Variants in RRM2B observed in about 807,000 individuals in gnomAD.
RRM2B encodes ribonucleoside-diphosphate reductase subunit M2 B.
RRM2B carries 20 observed loss-of-function variants against 45.9 expected under a neutral mutation model. The ratio of observed to expected loss-of-function variants is 0.44; its 90% CI spans 0.31 to 0.63. RRM2B has a LOEUF of 0.63. Ranked by LOEUF, RRM2B falls within the 30% of genes least tolerant of loss-of-function variation. The pLI is 0.09. For synonymous variants in RRM2B, 124 were observed against 132.3 expected (o/e 0.94, Z 0.43); for missense variants, 320 against 414.7 (o/e 0.77, Z 1.98).
At position 102,205,306 on chromosome 8, in the gene RRM2B, CA is replaced by C. The variant is rs1352660283; in HGVS notation, c.*2826del. ...GCAAAATGATTAATTTTTAAATATG[CA>C]AACTGCTACATTTTCTCAATAATCA... On this transcript the variant is annotated 3_prime_UTR_variant, in exon 9 of 9. Coordinates refer to ENST00000251810, the MANE Select transcript of RRM2B (RefSeq NM_015713.5). 1.3e-5 allele frequency: 2 copies of C among 152,074 alleles called. No homozygotes were observed. The highest frequency in any genetic ancestry group is 2.9e-5 in the Non-Finnish European group (2 of 67,974). 9.4% of individuals were successfully genotyped at this position (152,074 alleles called of 1,614,324 possible).
chr8:102,211,761 T>C (rs1176579572), intron 8 of RRM2B, among the ~76,000 whole-genome samples: 1 of 152,222 alleles, frequency 6.6e-6, no homozygotes, highest in Non-Finnish European at 1.5e-5. Flanking sequence ...TGATTTCTCA[T>C]TAATTAGTAA....
At chr8:102,219,022 A>G in intron 5 of RRM2B, 75 bp from the exon 6 acceptor site, 1 of 1,380,824 alleles carries the variant, frequency 7.2e-7, no homozygotes, top group Non-Finnish European at 1.0e-6. Flanking sequence ...CACATATATA[A>G]CAATAAATAC....
At chr8:102,228,267 G>T (rs1041430544) in intron 2 of RRM2B, among the ~76,000 whole-genome samples, 5 of 152,168 alleles carry the variant, frequency 3.3e-5, no homozygotes, top group Non-Finnish European at 7.3e-5. Flanking sequence ...AGAGGAGTCA[G>T]CTGGGGACGG....
At chr8:102,231,552 T>C (rs539658243) in intron 2 of RRM2B, among the ~76,000 whole-genome samples, 2 of 152,318 alleles carry the variant, frequency 1.3e-5, no homozygotes, top group South Asian at 2.1e-4. Context: ...TACTTGGCCA[T>C]ATCAAACTAA....
chr8:102,224,771 T>C, intron 4 of RRM2B, 114 bp downstream of exon 4: 1 of 1,084,780 alleles, frequency 9.2e-7, no homozygotes, highest in African/African-American at 1.6e-5. Context: ...AATATTATGC[T>C]CAGAAACTTC....
In RRM2B at chr8:102,229,636, A is replaced by G. The variant is rs189398067; in HGVS notation, c.204+2513T>C. Among the ~76,000 whole-genome samples the G allele has an allele frequency of 4.6e-3, 695 of 152,200 alleles. 2 individuals are homozygous for G. Among genetic ancestry groups the G allele is most frequent in the Middle Eastern group, 0.024 (7 of 292 alleles). On this transcript the variant is annotated intron_variant, in intron 2 of 8. Coordinates refer to ENST00000251810, the MANE Select transcript of RRM2B (RefSeq NM_015713.5). The stretch of plus-strand genomic sequence containing the variant: ...GTCTCACTCTGTTGCCCAGGCTGGA[A>G]TACAGTGGCATGATCTGGGCTCACT...
intron 1 of RRM2B, among the ~76,000 whole-genome samples, chr8:102,237,187 A>G (rs1811135842): frequency 6.6e-6 from 1 of 152,236 alleles, no homozygotes; most frequent in Non-Finnish European, 1.5e-5. Flanking sequence ...TTACCTTGAC[A>G]ATAGACTATG....
At chr8:102,211,083 C>A (rs889853763) in intron 8 of RRM2B, among the ~76,000 whole-genome samples, 1 of 152,164 alleles carries the variant, frequency 6.6e-6, no homozygotes, top group Non-Finnish European at 1.5e-5. Flanking sequence ...ACAATCTCAG[C>A]TCACTGCAAC....
chr8:102,224,830 A>G (rs1810900385), intron 4 of RRM2B, 55 bp downstream of exon 4: 1 of 1,536,500 alleles, frequency 6.5e-7, no homozygotes, highest in African/African-American at 1.4e-5. Flanking sequence ...ATAAATTCTG[A>G]TCTGAACATA....
chr8:102,232,549 G>A (rs1044832084), intron 1 of RRM2B, among the ~76,000 whole-genome samples: 1 of 152,100 alleles, frequency 6.6e-6, no homozygotes, highest in Non-Finnish European at 1.5e-5. Context: ...TACCTCATAG[G>A]TTTATTCTGA....
At chr8:102,231,260 T>C (rs1811023614) in intron 2 of RRM2B, among the ~76,000 whole-genome samples, 1 of 152,186 alleles carries the variant, frequency 6.6e-6, no homozygotes, top group South Asian at 2.1e-4. Context: ...CAGGTGGAAT[T>C]AACAAAAAGC....
intron 2 of RRM2B, among the ~76,000 whole-genome samples, chr8:102,227,940 T>G (rs1036452039): frequency 4.6e-5 from 7 of 152,096 alleles, no homozygotes; most frequent in Non-Finnish European, 7.4e-5. Flanking sequence ...ACACAGCATA[T>G]ATAGACATCA....
At chr8:102,222,682 T>C (rs1038028841) in intron 5 of RRM2B, among the ~76,000 whole-genome samples, 5 of 152,192 alleles carry the variant, frequency 3.3e-5, no homozygotes, top group African/African-American at 9.7e-5. Flanking sequence ...TTTCTAACTA[T>C]AATACATATT....
chr8:102,225,362 T>C (rs1013218635), intron 3 of RRM2B, among the ~76,000 whole-genome samples: 2 of 149,168 alleles, frequency 1.3e-5, no homozygotes, highest in African/African-American at 2.5e-5. Flanking sequence ...GCCTCCCAAA[T>C]AGCTGGGGCT....
rs1364962609 is a variant in RRM2B at position 102,207,844 on chromosome 8, C to T, written c.*289G>A. ...ATTAACTGACTTGCCAAGGGTCACA[C>T]ACTGGAGTAAGGGCAGAACCTTAGA... On this transcript the variant is annotated 3_prime_UTR_variant, in exon 9 of 9. Coordinates refer to ENST00000251810, the MANE Select transcript of RRM2B (RefSeq NM_015713.5). 2 of 296,284 alleles carry T rather than the reference C, an allele frequency of 6.8e-6. No individual in the cohort carries two copies. Among genetic ancestry groups the T allele is most frequent in the East Asian group, 7.3e-5 (1 of 13,664 alleles). The allele number at this position is 296,284 out of a possible 1,614,324, so 18.4% of individuals were successfully genotyped here.
intron 1 of RRM2B, among the ~76,000 whole-genome samples, chr8:102,233,733 A>G (rs1811073311): frequency 6.6e-6 from 1 of 152,246 alleles, no homozygotes; most frequent in Non-Finnish European, 1.5e-5. Context: ...TCTTGAAAGT[A>G]AAATCCATTT....
intron 8 of RRM2B, 103 bp from the exon 9 acceptor site, chr8:102,208,388 T>A: frequency 2.4e-6 from 2 of 838,880 alleles, no homozygotes; most frequent in Non-Finnish European, 3.9e-6. Flanking sequence ...TCAAAACCTA[T>A]CTAGTCAGCT....
intron 1 of RRM2B, among the ~76,000 whole-genome samples, chr8:102,238,035 AGT>A (rs1811152386): frequency 1.3e-5 from 2 of 152,208 alleles, no homozygotes; most frequent in Non-Finnish European, 2.9e-5. Context: ...GCAAAATGAC[AGT>A]GTTTGAAAAT....
intron 8 of RRM2B, among the ~76,000 whole-genome samples, chr8:102,209,561 A>G (rs1810600909): frequency 6.6e-6 from 1 of 152,228 alleles, no homozygotes; most frequent in Non-Finnish European, 1.5e-5. Flanking sequence ...GCTGCTTTAG[A>G]AAACAGTCTG....
Sources: gnomAD v4.1 joint callset for allele counts (sites outside exome capture counted in the v4.1 genomes callset) on GRCh38, gnomAD v4.1.1 for gene constraint, MANE v1.5 for transcripts, NCBI Gene and HGNC (gene_info 2026-07-23, HGNC 2026-07-21) for gene names.